Variants in NEB observed in about 807,000 individuals in gnomAD.
NEB encodes the protein nebulin.
A neutral mutation model predicts 952.2 loss-of-function variants in NEB; 512 were observed. The ratio of observed to expected loss-of-function variants is 0.54; its 90% CI spans 0.50 to 0.58. The LOEUF is 0.58. Ranked by LOEUF, NEB falls within the 20% of genes least tolerant of loss-of-function variation. The probability of loss-of-function intolerance (pLI) is 0.00; values close to 1 mark genes in which losing one functional copy is unlikely to be tolerated. For synonymous variants in NEB, 2,900 were observed against 3,149.8 expected (o/e 0.92, Z 2.66); for missense variants, 8,428 against 9,231.1 (o/e 0.91, Z 3.56).
At chr2:151,494,654 T>G (rs925663289) in intron 173 of NEB, among the ~76,000 whole-genome samples, 4 of 152,138 alleles carry the variant, frequency 2.6e-5, no homozygotes, top group African/African-American at 9.6e-5. Context: ...TTTTGTTTTG[T>G]TTTGTTTTTG....
intron 61 of NEB, 31 bp downstream of exon 61, chr2:151,640,324 T>C: frequency 6.2e-7 from 1 of 1,605,228 alleles, no homozygotes; most frequent in Non-Finnish European, 8.5e-7. Flanking sequence ...ATTTCCCACC[T>C]CTGCACGTTA....
chr2:151,632,919 T>C (rs56258194), intron 65 of NEB, among the ~76,000 whole-genome samples: 37,237 of 152,042 alleles, frequency 0.24, 5,518 homozygotes, highest in Admixed American at 0.4. Context: ...TTGGAAAGAA[T>C]TGCAAAACAC....
chr2:151,646,363 A>G, intron 54 of NEB, 129 bp from the exon 55 acceptor site: 1 of 720,996 alleles, frequency 1.4e-6, no homozygotes, highest in Non-Finnish European at 2.3e-6. Flanking sequence ...AGCAGACAAC[A>G]TAAGCAGAAA....
Position 151,687,407 on chromosome 2 carries a change from A to G in NEB, c.2637+12T>C. On this transcript the variant is annotated intron_variant, in intron 27 of 181. Coordinates refer to ENST00000397345, the MANE Select transcript of NEB (RefSeq NM_001164508.2). ...CATCTTGAAAACAAGACAGATTCAC[A>G]AAGACACTCACATCACTCTGGTTTT... The G allele has an allele frequency of 3.1e-6, 5 of 1,602,880 alleles. No individual in the cohort carries two copies. The highest frequency in any genetic ancestry group is 4.3e-6 in the Non-Finnish European group (5 of 1,169,876).
chr2:151,650,178 C>T lies in NEB; in HGVS notation c.7429G>A (p.Asp2477Asn). Residue 2477 changes from aspartate (D) to asparagine (N), a missense_variant and splice_region_variant, in exon 54 of 182, where the codon GAT becomes AAT. This residue lies in a region of NEB where 1,772 missense variants were observed against 1,960.3 expected (regional missense o/e 0.90). Transcript: ENST00000397345. ...LAKTNAKNRS[D>N]RLYREAWDKD... is the part of the protein sequence containing the mutation. ...TTTATTTCCAGAGTGCTACTCACAT[C>T]ACTCCTATTTTTGGCATTTGTCTTT... The T allele has an allele frequency of 1.2e-6, 2 of 1,613,452 alleles. No homozygotes were observed. The highest frequency in any genetic ancestry group is 1.7e-6 in the Non-Finnish European group (2 of 1,179,460).
chr2:151,509,182 T>C (rs560665343), intron 161 of NEB, among the ~76,000 whole-genome samples: 1 of 152,312 alleles, frequency 6.6e-6, no homozygotes, highest in Non-Finnish European at 1.5e-5. Context: ...TTTCAGCCAA[T>C]GAGAGATGTA....
intron 46 of NEB, 75 bp from the exon 47 acceptor site, chr2:151,659,244 A>G (rs1390951061): frequency 2.7e-6 from 2 of 732,698 alleles, no homozygotes; most frequent in Non-Finnish European, 4.6e-6. Context: ...ATCATTGTAC[A>G]TATATATCAA....
rs1276851379 is a variant in NEB, at chr2:151,570,369, C to T, written c.17142G>A (p.Glu5714=). The T allele has an allele frequency of 6.3e-7, 1 of 1,583,386 alleles. No homozygotes were observed. Among genetic ancestry groups the T allele is most frequent in the Non-Finnish European group, 8.6e-7 (1 of 1,164,194 alleles). ...TGCCCACGTAGTGTCCCTTCTGCTTCTCATGGTCAAGCTTATATTTATACT... is the reference window on the plus strand; with the variant it reads ...TGCCCACGTAGTGTCCCTTCTGCTTTTCATGGTCAAGCTTATATTTATACT... The part of the protein sequence containing the change: ...ASDYKYKLDH[E]KQKGHYVGTL... The change falls in exon 109 of 182, where the codon GAG becomes GAA. Residue 5714 remains glutamate (E), a synonymous_variant. Coordinates refer to ENST00000397345, the MANE Select transcript of NEB (RefSeq NM_001164508.2).
chr2:151,576,386 T>C, intron 105 of NEB, 32 bp from the exon 106 acceptor site: 1 of 1,524,518 alleles, frequency 6.6e-7, no homozygotes, highest in East Asian at 2.3e-5. Context: ...GAAGCAGGGT[T>C]TGTGTTTTGT....
chr2:151,512,019 C>CTT lies in NEB; in HGVS notation c.23346+712_23346+713dup, dbSNP rs71403173. On this transcript the variant is annotated intron_variant, in intron 161 of 181. Transcript: ENST00000397345. ...CTGCATCATAGGTTACCCTCTCACTCTTTTTTTTTTTTTTTTTTTTTTTTT... is the reference window on the plus strand; with the variant it reads ...CTGCATCATAGGTTACCCTCTCACTCTTTTTTTTTTTTTTTTTTTTTTTTTTT... 1.7e-3 allele frequency among the ~76,000 whole-genome samples: 158 copies of CTT among 93,570 alleles called. 12 individuals are homozygous for CTT. The highest frequency in any genetic ancestry group is 5.0e-3 in the African/African-American group (116 of 23,298). The allele number at this position is 93,570 out of a possible 152,430, so 61.4% of individuals were successfully genotyped here.
At position 151,485,795 on chromosome 2, in the gene NEB, C is replaced by T. The variant is rs776932788; in HGVS notation, c.25543G>A (p.Gly8515Arg). 11 of 1,612,674 alleles carry T rather than the reference C, an allele frequency of 6.8e-6. No individual in the cohort carries two copies. Among genetic ancestry groups the T allele is most frequent in the East Asian group, 6.7e-5 (3 of 44,862 alleles). Residue 8515 changes from glycine to arginine, a missense_variant, in exon 182 of 182, where the codon GGA (glycine) becomes AGA (arginine). Around this residue, in one of 11 missense-constraint regions of NEB, gnomAD observed 3,374 missense variants for 3,651.5 expected, o/e 0.92. Coordinates refer to ENST00000397345, the MANE Select transcript of NEB (RefSeq NM_001164508.2). ...TCAACGTAGTTGGCTGGGAGCATTCCGGTCCTGCCAGTCCTCTGCACAGTG... is the reference window on the plus strand; with the variant it reads ...TCAACGTAGTTGGCTGGGAGCATTCTGGTCCTGCCAGTCCTCTGCACAGTG... ...YGTVQRTGRT[G>R]MLPANYVEAI
At chr2:151,516,371 A>G in intron 157 of NEB, 88 bp downstream of exon 157, 1 of 822,548 alleles carries the variant, frequency 1.2e-6, no homozygotes, top group South Asian at 1.9e-5. Flanking sequence ...CCACTTTTGG[A>G]TGACAGGAAA....
intron 131 of NEB, 49 bp from the exon 132 acceptor site, chr2:151,547,787 G>T (rs1454610908): frequency 1.6e-6 from 2 of 1,252,134 alleles, no homozygotes; most frequent in South Asian, 1.3e-5. Context: ...GGACGACGAG[G>T]GCATCTACTG....
intron 4 of NEB, among the ~76,000 whole-genome samples, chr2:151,728,211 A>T (rs903251642): frequency 3.3e-5 from 5 of 152,220 alleles, no homozygotes; most frequent in Admixed American, 2.6e-4. Context: ...GTGGGGGGGA[A>T]ATTGGCAATA....
chr2:151,567,441 A>G lies in NEB; in HGVS notation c.17883T>C (p.His5961=), dbSNP rs2153740122. 3.7e-6 allele frequency: 6 copies of G among 1,613,258 alleles called. No individual in the cohort carries two copies. The South Asian group carries it at 6.6e-5, about 18-fold the overall frequency. ...YKAEHVKQKG[H]YVGVPTMRDD... ...CTCTCATCGTCGGGACACCAACATA[A>G]TGACCTTTTTGCTTCACATGTTCAG... The change falls in exon 114 of 182, where the codon CAT becomes CAC. Residue 5961 remains histidine, a synonymous_variant. Coordinates refer to ENST00000397345, the MANE Select transcript of NEB (RefSeq NM_001164508.2).
chr2:151,629,073 C>CA lies in NEB; in HGVS notation c.9831+465dup, dbSNP rs200006992. ...AAAGGAAGGATTTAAGATAATTTTC[C>CA]AAAAAAAAATGAGTTGGCAAAAACA... On this transcript the variant is annotated intron_variant, in intron 68 of 181. Coordinates refer to ENST00000397345, the MANE Select transcript of NEB (RefSeq NM_001164508.2). Among the ~76,000 whole-genome samples the CA allele has an allele frequency of 7.0e-3, 1,046 of 149,488 alleles. 10 individuals carry two copies. Among genetic ancestry groups the CA allele is most frequent in the East Asian group, 0.055 (282 of 5,114 alleles).
chr2:151,664,000 G>A, intron 44 of NEB, 141 bp from the exon 45 acceptor site: 1 of 751,116 alleles, frequency 1.3e-6, no homozygotes, highest in South Asian at 2.3e-5. Flanking sequence ...TGAGAGGGAG[G>A]GAGCAAACTC....
At chr2:151,640,178 A>G (rs2098829037) in intron 61 of NEB, 118 bp from the exon 62 acceptor site, 1 of 1,455,788 alleles carries the variant, frequency 6.9e-7, no homozygotes, top group Non-Finnish European at 9.4e-7. Flanking sequence ...CGGGCCAGGT[A>G]TCACACAATA....
Position 151,666,466 on chromosome 2 carries a change from TACA to T in NEB, c.4720-68_4720-66del. 3 of 1,470,624 alleles carry T rather than the reference TACA, an allele frequency of 2.0e-6. No individual in the cohort carries two copies. The South Asian group carries it at 3.9e-5, about 19-fold the overall frequency. The allele number at this position is 1,470,624 out of a possible 1,614,324, so 91.1% of individuals were successfully genotyped here. ...AGAAGTCTGATATAAACTGAATTTA[TACA>T]ACAAATTAAGCAAAAGCCAACTTCA... On this transcript the variant is annotated intron_variant, in intron 40 of 181. Transcript: ENST00000397345.
Sources: gnomAD v4.1 joint callset for allele counts (sites outside exome capture counted in the v4.1 genomes callset) on GRCh38, gnomAD v4.1.1 for gene constraint, gnomAD v4.1.1 regional missense constraint, MANE v1.5 for transcripts, NCBI Gene and HGNC (gene_info 2026-07-23, HGNC 2026-07-21) for gene names.